KIF1A: variants seen among roughly 807,000 people sequenced by gnomAD.
KIF1A encodes the protein kinesin family member 1A, also known as kinesin-like protein KIF1A.
In KIF1A, 46 loss-of-function variants were observed where a neutral mutation model predicts 227.3. That is an observed-to-expected ratio of 0.20 (90% CI 0.16 to 0.26). The LOEUF is 0.26. KIF1A is among the 10% of genes least tolerant of loss of function. The pLI is 1.00. For missense variants in KIF1A, 1,683 were observed against 2,485.9 expected, an observed-to-expected ratio of 0.68 and a Z score of 6.87; for synonymous variants, 1,022 against 1,012.8, an observed-to-expected ratio of 1.01 and a Z score of -0.17.
At chr2:240,804,475 C>A (rs1186737441) in intron 1 of KIF1A, among the ~76,000 whole-genome samples, 2 of 152,140 alleles carry the variant, frequency 1.3e-5, no homozygotes, top group Non-Finnish European at 2.9e-5. Flanking sequence ...AAGGTGGCAA[C>A]AAAGCTACAG....
chr2:240,769,712 G>C lies in KIF1A; in HGVS notation c.1342-6C>G. 2 of 1,612,690 alleles carry C rather than the reference G, an allele frequency of 1.2e-6. No individual in the cohort carries two copies. Among genetic ancestry groups the C allele is most frequent in the Non-Finnish European group, 8.5e-7 (1 of 1,179,196 alleles). On this transcript the variant is annotated splice_region_variant and splice_polypyrimidine_tract_variant and intron_variant, in intron 15 of 48. Transcript: ENST00000498729. ...GCTATGATCTTCTCTGTTTCCTGGGGATTGAGGCAGAGCACAGTGAGCTGC... is the reference window on the plus strand; with the variant it reads ...GCTATGATCTTCTCTGTTTCCTGGGCATTGAGGCAGAGCACAGTGAGCTGC...
intron 20 of KIF1A, 150 bp downstream of exon 20, chr2:240,765,560 A>G (rs2125917707): frequency 1.5e-6 from 1 of 653,474 alleles, no homozygotes; most frequent in Non-Finnish European, 2.7e-6. Flanking sequence ...AGCTGCTTGG[A>G]TACCCGCAGC....
chr2:240,733,600 TCTC>T (rs935409338), intron 38 of KIF1A, among the ~76,000 whole-genome samples: 1 of 152,178 alleles, frequency 6.6e-6, no homozygotes, highest in African/African-American at 2.4e-5. Flanking sequence ...GGCAGAGTCT[TCTC>T]CTGGCCACAG....
chr2:240,796,340 T>G (rs1165256278), intron 2 of KIF1A, among the ~76,000 whole-genome samples: 1 of 152,220 alleles, frequency 6.6e-6, no homozygotes, highest in Non-Finnish European at 1.5e-5. Context: ...CAGCGAGCGT[T>G]GTTGGAAAAG....
chr2:240,716,177 G>A lies in KIF1A; in HGVS notation c.*1187C>T, dbSNP rs3732342. 8,066 of 151,986 alleles carry A rather than the reference G, an allele frequency of 0.053. 756 individuals carry two copies. Among genetic ancestry groups the A allele is most frequent in the Admixed American group, 0.23 (3,437 of 15,266 alleles). The allele number at this position is 151,986 out of a possible 1,614,324, so 9.4% of individuals were successfully genotyped here. A position where few individuals can be genotyped will look rare whatever the true frequency, so the allele number is the denominator to read the frequency against. ...ACCAAGCCAGCCACCCTCCATTGCCGACCGACCAGGATACCCCCACCCCAT... is the reference window on the plus strand; with the variant it reads ...ACCAAGCCAGCCACCCTCCATTGCCAACCGACCAGGATACCCCCACCCCAT... On this transcript the variant is annotated 3_prime_UTR_variant, in exon 49 of 49. Transcript: ENST00000498729.
intron 45 of KIF1A, 200 bp downstream of exon 45, chr2:240,720,714 G>C (rs890171388): frequency 5.7e-6 from 3 of 526,778 alleles, no homozygotes; most frequent in Non-Finnish European, 6.7e-6. Flanking sequence ...CACACACTAG[G>C]ATGGAGCTGG....
chr2:240,759,585 G>GGGC (rs112650871), intron 25 of KIF1A, among the ~76,000 whole-genome samples: 1 of 151,630 alleles, frequency 6.6e-6, no homozygotes. Context: ...ACTCCTCTCT[G>GGGC]CCTGGTGCCT....
intron 20 of KIF1A, among the ~76,000 whole-genome samples, chr2:240,763,705 G>A (rs2125908717): frequency 6.6e-6 from 1 of 152,292 alleles, no homozygotes; most frequent in African/African-American, 2.4e-5. Context: ...ATCCAGTCTG[G>A]GGCCGGTGCC....
intron 38 of KIF1A, among the ~76,000 whole-genome samples, chr2:240,731,604 G>T (rs1183740830): frequency 9.2e-5 from 14 of 152,218 alleles, no homozygotes. Context: ...CAGAGGCAGT[G>T]CAGGTCAGGG....
chr2:240,770,507 C>T (rs61049257), intron 15 of KIF1A, among the ~76,000 whole-genome samples: 45,912 of 151,898 alleles, frequency 0.3, 7,033 homozygotes, highest in East Asian at 0.43. Flanking sequence ...GGGGATGCTG[C>T]GGGGTGGGGA....
Position 240,757,076 on chromosome 2 carries a change from G to A in KIF1A, c.2858+243C>T, listed in dbSNP as rs1396403573. Among the ~76,000 whole-genome samples the A allele has an allele frequency of 6.6e-6, 1 of 152,204 alleles. No individual in the cohort carries two copies. Among genetic ancestry groups the A allele is most frequent in the Admixed American group, 6.5e-5 (1 of 15,288 alleles). Reference sequence around the variant, plus strand: ...GGGGTGCACTACCTCTTCTGTACCTGGAACCCAGACTCTTCCCTGCCGGCC... The same window carrying A: ...GGGGTGCACTACCTCTTCTGTACCTAGAACCCAGACTCTTCCCTGCCGGCC... On this transcript the variant is annotated intron_variant, in intron 27 of 48. Transcript: ENST00000498729. This position sits in a 1 kb window ranked among gnomAD's most constrained non-coding sequence, Gnocchi z 6.2.
intron 10 of KIF1A, among the ~76,000 whole-genome samples, chr2:240,779,341 G>C (rs1287661255): frequency 2.2e-5 from 3 of 137,372 alleles, no homozygotes; most frequent in Non-Finnish European, 4.5e-5. Flanking sequence ...GTTCCTCATA[G>C]TTCCACACTC....
chr2:240,782,708 G>A (rs2054230930), intron 9 of KIF1A, 101 bp from the exon 10 acceptor site: 2 of 1,250,778 alleles, frequency 1.6e-6, no homozygotes, highest in Non-Finnish European at 2.3e-6. Context: ...CCCTGGCCAT[G>A]ACTCAGGCTC....
rs765454902 is a variant in KIF1A at position 240,816,429 on chromosome 2, G to A, written c.-61+3693C>T. Among the ~76,000 whole-genome samples the A allele has an allele frequency of 7.2e-5, 11 of 152,018 alleles. No individual in the cohort carries two copies. The East Asian group carries it at 9.6e-4, about 13-fold the overall frequency. On this transcript the variant is annotated intron_variant, in intron 1 of 48. Coordinates refer to ENST00000498729, the MANE Select transcript of KIF1A (RefSeq NM_001244008.2). The stretch of plus-strand genomic sequence containing the variant: ...CATGTGACTATGAGTGTGTGTGGCC[G>A]GGTGACTGCTCTGGACCCCTCCAGG...
chr2:240,749,365 C>T (rs1051321579), intron 28 of KIF1A, among the ~76,000 whole-genome samples: 6 of 152,116 alleles, frequency 3.9e-5, no homozygotes, highest in African/African-American at 1.4e-4. Context: ...TCAGCCTGCT[C>T]CAGGTCGCTC....
chr2:240,772,502 C>T, intron 14 of KIF1A, 68 bp downstream of exon 14: 2 of 1,400,968 alleles, frequency 1.4e-6, no homozygotes, highest in Non-Finnish European at 2.0e-6. Context: ...CTGACCATGC[C>T]ACCCTAGGCC....
upstream of KIF1A, among the ~76,000 whole-genome samples, chr2:240,821,255 C>A (rs2058686779): frequency 6.6e-6 from 1 of 152,244 alleles, no homozygotes; most frequent in Admixed American, 6.5e-5. Flanking sequence ...GGCTAAGCCT[C>A]CCTGGCGCCC....
rs949286172 is a variant in KIF1A, at chr2:240,736,310, C to A, written c.4007+753G>T. On this transcript the variant is annotated intron_variant, in intron 38 of 48. Transcript: ENST00000498729. This position sits in a 1 kb window ranked among gnomAD's most constrained non-coding sequence, Gnocchi z 4.7. ...TGAGCCAGGTCGAGCCCCCAGGGAG[C>A]AGCCAGGACTGGACACTGGAGCCCC... 2.2e-4 allele frequency among the ~76,000 whole-genome samples: 33 copies of A among 152,264 alleles called. No homozygotes were observed. Among genetic ancestry groups the A allele is most frequent in the African/African-American group, 7.5e-4 (31 of 41,566 alleles).
chr2:240,739,923 GATTA>G lies in KIF1A; in HGVS notation c.3901+131_3901+134del, dbSNP rs1318895978. 6 of 666,468 alleles carry G rather than the reference GATTA, an allele frequency of 9.0e-6. No individual in the cohort carries two copies. Among genetic ancestry groups the G allele is most frequent in the Non-Finnish European group, 1.6e-5 (6 of 374,004 alleles). 41.3% of individuals were successfully genotyped at this position (666,468 alleles called of 1,614,324 possible). A position where few individuals can be genotyped will look rare whatever the true frequency, so the allele number is the denominator to read the frequency against. ...CAGGTGAGGAAGTGAGTCACAGAGA[GATTA>G]TGTGACCCGGCCAGGGTCACGCAGC... On this transcript the variant is annotated intron_variant, in intron 37 of 48. Coordinates refer to ENST00000498729, the MANE Select transcript of KIF1A (RefSeq NM_001244008.2). The surrounding 1 kb of genome is among the most constrained non-coding windows in gnomAD (Gnocchi z 5.6).
Sources: allele counts gnomAD v4.1 joint callset (sites outside exome capture counted in the v4.1 genomes callset), GRCh38; gene constraint gnomAD v4.1.1; non-coding constraint Gnocchi (gnomAD v3.1); transcripts MANE v1.5; gene names NCBI Gene and HGNC (gene_info 2026-07-23, HGNC 2026-07-21).